ASAP1: variants seen among roughly 807,000 people sequenced by gnomAD.
ASAP1 encodes the protein arf-GAP with SH3 domain, ANK repeat and PH domain-containing protein 1.
A neutral mutation model predicts 145.2 loss-of-function variants in ASAP1; 43 were observed. That is an observed-to-expected ratio of 0.30 (90% CI 0.23 to 0.38). The LOEUF (loss-of-function observed/expected upper bound fraction) is 0.38, where lower values mean the gene tolerates loss of function less well. Among genes scored for constraint, ASAP1 ranks in the 10% least tolerant of loss-of-function variants. The pLI is 1.00. For synonymous variants in ASAP1, 546 were observed against 515.5 expected (o/e 1.06, Z -0.80); for missense variants, 1,018 against 1,355.3 (o/e 0.75, Z 3.91).
intron 26 of ASAP1, among the ~76,000 whole-genome samples, chr8:130,077,239 A>C (rs116756429): frequency 9.8e-5 from 15 of 152,324 alleles, no homozygotes; most frequent in African/African-American, 3.1e-4. Context: ...GGACAGGTAA[A>C]TGAGGGTGAC....
At chr8:130,297,855 A>C (rs968264237) in intron 3 of ASAP1, among the ~76,000 whole-genome samples, 2 of 152,106 alleles carry the variant, frequency 1.3e-5, no homozygotes, top group African/African-American at 4.8e-5. Flanking sequence ...TTTTAGACTA[A>C]CTCACTGCTG....
At chr8:130,076,811 T>G (rs1159310513) in intron 26 of ASAP1, among the ~76,000 whole-genome samples, 1 of 152,228 alleles carries the variant, frequency 6.6e-6, no homozygotes, top group Admixed American at 6.5e-5. Flanking sequence ...TGAGCCACTG[T>G]GCCCAGCCTC....
At chr8:130,304,993 G>A (rs11785172) in intron 3 of ASAP1, among the ~76,000 whole-genome samples, 5,286 of 152,142 alleles carry the variant, frequency 0.035, 125 homozygotes, top group Middle Eastern at 0.065. Context: ...TTCCTCACAC[G>A]CTCTACACCT....
At chr8:130,355,610 G>A (rs1826258294) in intron 3 of ASAP1, among the ~76,000 whole-genome samples, 2 of 152,082 alleles carry the variant, frequency 1.3e-5, no homozygotes, top group Middle Eastern at 3.2e-3. Context: ...TTTGTGGTAT[G>A]CCCCCAAATT....
intron 12 of ASAP1, among the ~76,000 whole-genome samples, chr8:130,154,979 G>A (rs1565026849): frequency 6.6e-6 from 1 of 152,148 alleles, no homozygotes; most frequent in African/African-American, 2.4e-5. Context: ...TCTGCAAGTA[G>A]TTTTGCATCC....
At chr8:130,185,736 A>AG in intron 7 of ASAP1, among the ~76,000 whole-genome samples, 1 of 151,030 alleles carries the variant, frequency 6.6e-6, no homozygotes, top group Non-Finnish European at 1.5e-5. Context: ...CCTCAAAAAA[A>AG]AAAAAAAAAA....
chr8:130,290,984 ATAATGCTTTACAGGC>A (rs1226865847), intron 3 of ASAP1, among the ~76,000 whole-genome samples: 3 of 152,314 alleles, frequency 2.0e-5, no homozygotes, highest in Admixed American at 2.0e-4. Flanking sequence ...CTAAAACCAA[ATAATGCTTTACAGGC>A]TAAGGAACAG....
intron 3 of ASAP1, among the ~76,000 whole-genome samples, chr8:130,345,764 G>T (rs946945233): frequency 5.9e-5 from 9 of 152,144 alleles, no homozygotes; most frequent in Admixed American, 3.9e-4. Flanking sequence ...TTAAGCTCAG[G>T]AGTTGAAGAC....
intron 27 of ASAP1, among the ~76,000 whole-genome samples, chr8:130,073,637 G>C (rs1176075004): frequency 6.6e-6 from 1 of 152,190 alleles, no homozygotes; most frequent in African/African-American, 2.4e-5. Flanking sequence ...GTTCCAGGCA[G>C]GGGAGAAGCA....
intron 13 of ASAP1, among the ~76,000 whole-genome samples, chr8:130,140,360 CTTTTT>C (rs1305950960): frequency 1.3e-5 from 2 of 148,154 alleles, no homozygotes; most frequent in South Asian, 2.1e-4. Flanking sequence ...TTCTTTCTTT[CTTTTT>C]TTTTTAAAAA....
intron 5 of ASAP1, among the ~76,000 whole-genome samples, chr8:130,197,508 A>G (rs575496495): frequency 5.3e-5 from 8 of 152,368 alleles, no homozygotes; most frequent in Admixed American, 3.9e-4. Flanking sequence ...CAGGCCACAG[A>G]GGTGGCTCGT....
intron 3 of ASAP1, among the ~76,000 whole-genome samples, chr8:130,333,327 C>T (rs577964648): frequency 6.6e-6 from 1 of 152,038 alleles, no homozygotes; most frequent in Admixed American, 6.5e-5. Flanking sequence ...GCTGGCTGGG[C>T]GCGGTGGCTC....
chr8:130,391,405 T>C (rs757325227), intron 2 of ASAP1, among the ~76,000 whole-genome samples: 4 of 152,240 alleles, frequency 2.6e-5, no homozygotes, highest in East Asian at 1.9e-4. Context: ...TGCCACTGAA[T>C]TGTTCTTAAA....
intron 3 of ASAP1, among the ~76,000 whole-genome samples, chr8:130,280,795 T>G (rs1338457337): frequency 1.3e-5 from 2 of 152,174 alleles, no homozygotes; most frequent in African/African-American, 4.8e-5. Context: ...AACACTTCAG[T>G]TTTTATTGAA....
intron 1 of ASAP1, among the ~76,000 whole-genome samples, chr8:130,434,928 C>T (rs1830258188): frequency 6.6e-6 from 1 of 152,164 alleles, no homozygotes; most frequent in African/African-American, 2.4e-5. Flanking sequence ...GAAATGCTTA[C>T]AGCCCATCCC....
intron 13 of ASAP1, among the ~76,000 whole-genome samples, chr8:130,147,110 C>T (rs1176040640): frequency 6.8e-6 from 1 of 147,532 alleles, no homozygotes; most frequent in African/African-American, 2.5e-5. Flanking sequence ...GCCTGTAGTC[C>T]CAGCTACTCA....
chr8:130,391,744 T>C (rs545724723), intron 2 of ASAP1, among the ~76,000 whole-genome samples: 1 of 152,230 alleles, frequency 6.6e-6, no homozygotes, highest in Non-Finnish European at 1.5e-5. Context: ...TTCAGTCCAA[T>C]ACAGTAAATG....
At chr8:130,078,990 T>C (rs2097471660) in intron 26 of ASAP1, among the ~76,000 whole-genome samples, 1 of 152,084 alleles carries the variant, frequency 6.6e-6, no homozygotes, top group South Asian at 2.1e-4. Context: ...GCCCAGAAGT[T>C]CAAGACCAGC....
intron 29 of ASAP1, 98 bp downstream of exon 29, chr8:130,057,856 A>G (rs989637540): frequency 5.2e-5 from 77 of 1,476,280 alleles, no homozygotes; most frequent in Non-Finnish European, 6.2e-5. Flanking sequence ...TGTGCTCAAG[A>G]GCCCTCTTTT....
Sources: gnomAD v4.1 joint callset for allele counts (sites outside exome capture counted in the v4.1 genomes callset) on GRCh38, gnomAD v4.1.1 for gene constraint, MANE v1.5 for transcripts, NCBI Gene and HGNC (gene_info 2026-07-23, HGNC 2026-07-21) for gene names.